GPC5: variants seen among roughly 807,000 people sequenced by gnomAD.
GPC5 encodes glypican-5.
Under a neutral mutation model 53.9 loss-of-function variants are expected in GPC5, and 47 were observed. The observed-to-expected ratio is 0.87, with a 90% CI of 0.69 to 1.11. GPC5 has a LOEUF of 1.11. Among genes scored for constraint, GPC5 ranks in the 50% most tolerant of loss-of-function variants. The pLI is 0.00. For missense variants in GPC5, 748 were observed against 713.1 expected, an observed-to-expected ratio of 1.05 and a Z score of -0.56; for synonymous variants, 286 against 263.3, an observed-to-expected ratio of 1.09 and a Z score of -0.84.
intron 5 of GPC5, among the ~76,000 whole-genome samples, chr13:91,883,208 C>T (rs2039286162): frequency 6.6e-6 from 1 of 152,080 alleles, no homozygotes; most frequent in South Asian, 2.1e-4. Context: ...TAGTTATAGT[C>T]CTGCACACAG....
intron 7 of GPC5, among the ~76,000 whole-genome samples, chr13:92,347,470 A>T (rs2043422972): frequency 6.6e-6 from 1 of 151,992 alleles, no homozygotes; most frequent in Non-Finnish European, 1.5e-5. Flanking sequence ...AGAAATAGAA[A>T]CTTTCCCAGA....
At chr13:91,657,779 G>T (rs1298773602) in intron 2 of GPC5, among the ~76,000 whole-genome samples, 1 of 152,034 alleles carries the variant, frequency 6.6e-6, no homozygotes, top group Non-Finnish European at 1.5e-5. Context: ...AAATATTAGT[G>T]GCAGCCACAC....
chr13:92,656,361 G>A (rs1331659597), intron 7 of GPC5, among the ~76,000 whole-genome samples: 1 of 152,182 alleles, frequency 6.6e-6, no homozygotes, highest in African/African-American at 2.4e-5. Context: ...AATCAGCAAA[G>A]TTTAGGGATT....
At chr13:91,801,522 A>C (rs949407463) in intron 5 of GPC5, among the ~76,000 whole-genome samples, 1 of 152,176 alleles carries the variant, frequency 6.6e-6, no homozygotes, top group East Asian at 1.9e-4. Flanking sequence ...TACATCTTTG[A>C]AGTTACGGAT....
chr13:92,641,977 A>AT (rs34682584), intron 7 of GPC5, among the ~76,000 whole-genome samples: 52,026 of 151,986 alleles, frequency 0.34, 10,144 homozygotes, highest in Non-Finnish European at 0.45. Flanking sequence ...ATTTTTTCTT[A>AT]TTCTGTTACC....
intron 7 of GPC5, among the ~76,000 whole-genome samples, chr13:92,219,849 C>T (rs1340479795): frequency 6.6e-6 from 1 of 152,102 alleles, no homozygotes; most frequent in Non-Finnish European, 1.5e-5. Flanking sequence ...AATCAGAAAC[C>T]TCTAGAGGGT....
intron 6 of GPC5, among the ~76,000 whole-genome samples, chr13:92,001,440 G>A (rs928446861): frequency 6.6e-5 from 10 of 152,034 alleles, no homozygotes; most frequent in Admixed American, 5.9e-4. Context: ...ATTATAAATT[G>A]AGCAATTAAA....
chr13:92,704,851 T>A (rs534488432), intron 7 of GPC5, among the ~76,000 whole-genome samples: 14 of 99,136 alleles, frequency 1.4e-4, no homozygotes, highest in African/African-American at 4.7e-4. Context: ...TCTTAGTGTG[T>A]AAATATATGA....
At chr13:92,720,731 T>G (rs568475421) in intron 7 of GPC5, among the ~76,000 whole-genome samples, 127 of 152,170 alleles carry the variant, frequency 8.3e-4, no homozygotes, top group Non-Finnish European at 1.7e-3. Context: ...AAAGACTACA[T>G]AGGGAAAATT....
chr13:91,532,962 T>C (rs151001084), intron 2 of GPC5, among the ~76,000 whole-genome samples: 1 of 152,296 alleles, frequency 6.6e-6, no homozygotes, highest in African/African-American at 2.4e-5. Context: ...TCAGTTCTCA[T>C]TGTAAATTCA....
chr13:91,516,809 G>A (rs1441006568), intron 2 of GPC5, among the ~76,000 whole-genome samples: 1 of 152,130 alleles, frequency 6.6e-6, no homozygotes, highest in Non-Finnish European at 1.5e-5. Context: ...CTGAAATCTA[G>A]GCAGAGGTTC....
intron 1 of GPC5, among the ~76,000 whole-genome samples, chr13:91,407,389 G>A (rs758258104): frequency 6.6e-6 from 1 of 152,158 alleles, no homozygotes; most frequent in Non-Finnish European, 1.5e-5. Context: ...TGTCCTGTAA[G>A]GAAAAGAAAA....
At chr13:91,974,843 G>A (rs1293511738) in intron 6 of GPC5, among the ~76,000 whole-genome samples, 1 of 152,142 alleles carries the variant, frequency 6.6e-6, no homozygotes, top group African/African-American at 2.4e-5. Flanking sequence ...CAAAGCCGGA[G>A]GCATCCCGCT....
In GPC5 at chr13:91,583,979, T is replaced by C. The variant is rs956720016; in HGVS notation, c.326-109208T>C. 3.9e-5 allele frequency among the ~76,000 whole-genome samples: 6 copies of C among 152,298 alleles called. No individual in the cohort carries two copies. The South Asian group carries it at 8.3e-4, about 21-fold the overall frequency. On this transcript the variant is annotated intron_variant, in intron 2 of 7. Coordinates refer to ENST00000377067, the MANE Select transcript of GPC5 (RefSeq NM_004466.6). ...CTCAGAATGTGACTGTATTTGGAGA[T>C]AGGGCCTGTAAAGAGCTGGTTAAGT...
rs559756624 is a variant in GPC5, at chr13:92,477,706, A to G, written c.1561+332717A>G. 7.2e-5 allele frequency among the ~76,000 whole-genome samples: 11 copies of G among 152,248 alleles called. No individual in the cohort carries two copies. The South Asian group carries it at 1.5e-3, about 20-fold the overall frequency. On this transcript the variant is annotated intron_variant, in intron 7 of 7. Coordinates refer to ENST00000377067, the MANE Select transcript of GPC5 (RefSeq NM_004466.6). Reference sequence around the variant, plus strand: ...CATATGCATCTGTTTTGTACACTCAATGAAGTCCCAGAAATCTTTTTAGTG... The same window carrying G: ...CATATGCATCTGTTTTGTACACTCAGTGAAGTCCCAGAAATCTTTTTAGTG...
intron 7 of GPC5, among the ~76,000 whole-genome samples, chr13:92,167,790 T>G (rs1346818124): frequency 1.3e-5 from 2 of 152,070 alleles, no homozygotes; most frequent in African/African-American, 4.8e-5. Context: ...GAAAAGGTCA[T>G]CTGTTGTTTA....
intron 2 of GPC5, among the ~76,000 whole-genome samples, chr13:91,674,497 G>A (rs1375038699): frequency 6.9e-6 from 1 of 145,360 alleles, no homozygotes; most frequent in African/African-American, 2.6e-5. Context: ...GTGTATATAT[G>A]CATATGTGTA....
In GPC5 at chr13:91,769,478, G is replaced by A. The variant is rs117015549; in HGVS notation, c.1280+13058G>A. Among the ~76,000 whole-genome samples, 7 of 152,196 alleles carry A rather than the reference G, an allele frequency of 4.6e-5. No individual in the cohort carries two copies. The East Asian group carries it at 1.4e-3, about 29-fold the overall frequency. ...CTAATGCCATAGAAGTTGGGTTAAG[G>A]GCATGTTAGATTGAGTATCCAGGAA... On this transcript the variant is annotated intron_variant, in intron 5 of 7. Coordinates refer to ENST00000377067, the MANE Select transcript of GPC5 (RefSeq NM_004466.6).
intron 7 of GPC5, among the ~76,000 whole-genome samples, chr13:92,434,333 G>A (rs924998940): frequency 2.6e-5 from 4 of 152,104 alleles, no homozygotes; most frequent in Non-Finnish European, 5.9e-5. Context: ...CTTGAATCAA[G>A]AAGAGGTAAA....
Sources: gnomAD v4.1 joint callset for allele counts (sites outside exome capture counted in the v4.1 genomes callset) on GRCh38, gnomAD v4.1.1 for gene constraint, MANE v1.5 for transcripts, NCBI Gene and HGNC (gene_info 2026-07-23, HGNC 2026-07-21) for gene names.